Variants in ZNF347 observed in about 807,000 individuals in gnomAD.
The protein encoded by ZNF347 is CTD-2620I22.7.
In ZNF347, 19 loss-of-function variants were observed where a neutral mutation model predicts 12.9. The observed-to-expected ratio is 1.47, with a 90% CI of 1.03 to 2.16. The LOEUF (loss-of-function observed/expected upper bound fraction) is 2.16, where lower values mean the gene tolerates loss of function less well. ZNF347 is among the 30% of genes most tolerant of loss of function. The pLI, the probability that ZNF347 is intolerant of heterozygous loss-of-function variation, is 0.00. For synonymous variants in ZNF347, 328 were observed against 340.6 expected, an observed-to-expected ratio of 0.96 and a Z score of 0.41; for missense variants, 1,005 against 990.6, an observed-to-expected ratio of 1.01 and a Z score of -0.19.
rs914573208 is a variant in ZNF347 at position 53,140,768 on chromosome 19, C to A, written c.2060G>T (p.Gly687Val). Residue 687 changes from glycine (G) to valine (V), a missense_variant, in exon 5 of 5, where the codon GGC (glycine) becomes GTC (valine). Transcript: ENST00000334197. ...CTTTGATGTTTGACTAAAGGCTTTGCCACATTCATTACACTGGTAAGGTTT... is the reference window on the plus strand; with the variant it reads ...CTTTGATGTTTGACTAAAGGCTTTGACACATTCATTACACTGGTAAGGTTT... ...GGKPYQCNECGKAFSQTSKLA... is the reference protein window; with the variant it reads ...GGKPYQCNECVKAFSQTSKLA... 6.2e-7 allele frequency: 1 copy of A among 1,612,262 alleles called. No individual in the cohort carries two copies. Among genetic ancestry groups the A allele is most frequent in the Non-Finnish European group, 8.5e-7 (1 of 1,179,074 alleles).
Position 53,140,562 on chromosome 19 carries a change from G to A in ZNF347, c.2266C>T (p.Arg756Trp), listed in dbSNP as rs142427199. The A allele has an allele frequency of 3.4e-3, 5,461 of 1,613,892 alleles. 14 individuals carry two copies. The highest frequency in any genetic ancestry group is 4.2e-3 in the Non-Finnish European group (4,969 of 1,179,936). Residue 756 changes from arginine to tryptophan, a missense_variant, in exon 5 of 5, where the codon CGG (arginine) becomes TGG (tryptophan). Coordinates refer to ENST00000334197, the MANE Select transcript of ZNF347 (RefSeq NM_032584.3). Reference sequence around the variant, plus strand: ...GGTTTCTCTCCAGTATGAATTCCCCGATGTCTTGCAAGGTGTGAATTCTGA... The same window carrying A: ...GGTTTCTCTCCAGTATGAATTCCCCAATGTCTTGCAAGGTGTGAATTCTGA... ...FTQNSHLARH[R>W]GIHTGEKPYK...
In ZNF347 at chr19:53,141,565, T is replaced by C; in HGVS notation, c.1263A>G (p.Arg421=). ...TGTAAGGTTTCTCTCCAGTGTGAAT[T>C]CTCCAGTGATTTGTAAGGTGTGAAT... The part of the protein sequence containing the change: ...TQNSHLTNHW[R]IHTGEKPYKC... The change falls in exon 5 of 5, where the codon AGA becomes AGG. Residue 421 remains arginine (R), a synonymous_variant. Coordinates refer to ENST00000334197, the MANE Select transcript of ZNF347 (RefSeq NM_032584.3). 6.2e-7 allele frequency: 1 copy of C among 1,613,948 alleles called. No individual in the cohort carries two copies. The highest frequency in any genetic ancestry group is 8.5e-7 in the Non-Finnish European group (1 of 1,179,954).
At chr19:53,147,860 C>T (rs879924335) in intron 4 of ZNF347, among the ~76,000 whole-genome samples, 2 of 152,110 alleles carry the variant, frequency 1.3e-5, no homozygotes, top group Non-Finnish European at 2.9e-5. Context: ...TAGTTTAATA[C>T]ACACAAATCA....
chr19:53,135,941 G>A lies in ZNF347; in HGVS notation c.*4367C>T, dbSNP rs1046783415. ...ATTGCAAAAGTTGCACAAATATCATGTTTTGCTGTAAGATCCTCTGGCTCA... is the reference window on the plus strand; with the variant it reads ...ATTGCAAAAGTTGCACAAATATCATATTTTGCTGTAAGATCCTCTGGCTCA... On this transcript the variant is annotated 3_prime_UTR_variant, in exon 5 of 5. Transcript: ENST00000334197. 1.3e-5 allele frequency: 2 copies of A among 152,076 alleles called. No homozygotes were observed. Among genetic ancestry groups the A allele is most frequent in the Non-Finnish European group, 2.9e-5 (2 of 68,020 alleles). 9.4% of individuals were successfully genotyped at this position (152,076 alleles called of 1,614,324 possible).
intron 1 of ZNF347, among the ~76,000 whole-genome samples, chr19:53,155,954 C>A (rs901569376): frequency 6.9e-6 from 1 of 145,626 alleles, no homozygotes; most frequent in Non-Finnish European, 1.5e-5. Context: ...TCTGCTCTCA[C>A]ACTAAACACA....
chr19:53,152,957 G>C (rs985812839), intron 2 of ZNF347, among the ~76,000 whole-genome samples: 2 of 151,958 alleles, frequency 1.3e-5, no homozygotes, highest in East Asian at 3.9e-4. Context: ...AATAATAATT[G>C]GCAAAACAAG....
At position 53,141,709 on chromosome 19, in the gene ZNF347, G is replaced by T. The variant is rs766029192; in HGVS notation, c.1119C>A (p.Tyr373Ter). 6.2e-7 allele frequency: 1 copy of T among 1,613,644 alleles called. No homozygotes were observed. Among genetic ancestry groups the T allele is most frequent in the South Asian group, 1.1e-5 (1 of 91,052 alleles). Residue 373 changes from tyrosine (Y) to a stop codon, truncating the protein, a stop_gained, in exon 5 of 5, where the codon TAC (tyrosine) becomes TAA (stop). Coordinates refer to ENST00000334197, the MANE Select transcript of ZNF347 (RefSeq NM_032584.3). LOFTEE classifies it low-confidence loss of function (END_TRUNC). The stretch of plus-strand genomic sequence containing the variant: ...AGGCTTTCCCACACTCATTACACTT[G>T]TAAGGTTTCTCTCCAGTATGAATTC... ...HRGIHTGEKP[Y>*]KCNECGKAFR...
Position 53,141,698 on chromosome 19 carries a change from T to C in ZNF347, c.1130A>G (p.Glu377Gly). The change falls in exon 5 of 5, where the codon GAG becomes GGG. Residue 377 changes from glutamate to glycine, a missense_variant. Glu to Gly is a moderately conservative substitution (Grantham distance 98). Transcript: ENST00000334197. ...ACGAGCTCTAAAGGCTTTCCCACACTCATTACACTTGTAAGGTTTCTCTCC... is the reference window on the plus strand; with the variant it reads ...ACGAGCTCTAAAGGCTTTCCCACACCCATTACACTTGTAAGGTTTCTCTCC... ...HTGEKPYKCN[E>G]CGKAFRARSS... 6.2e-7 allele frequency: 1 copy of C among 1,614,120 alleles called. No individual in the cohort carries two copies. The highest frequency in any genetic ancestry group is 8.5e-7 in the Non-Finnish European group (1 of 1,179,988).
rs148937612 is a variant in ZNF347 at position 53,142,348 on chromosome 19, T to C, written c.480A>G (p.Glu160=). Residue 160 remains glutamate, a synonymous_variant, in exon 5 of 5, where the codon GAA becomes GAG. Coordinates refer to ENST00000334197, the MANE Select transcript of ZNF347 (RefSeq NM_032584.3). ...GNYKGVLLTQ[E]GNLTHGRDEH... The stretch of plus-strand genomic sequence containing the variant: ...CATCTCTTCCATGAGTGAGATTGCC[T>C]TCTTGGGTCAAAAGCACTCCTTTGT... 1.2e-4 allele frequency: 201 copies of C among 1,614,148 alleles called. 1 individual carries two copies. In the African/African-American group the frequency reaches 2.3e-3, roughly 19 times the overall value.
rs921791345 is a variant in ZNF347 at position 53,138,291 on chromosome 19, T to A, written c.*2017A>T. The A allele has an allele frequency of 1.1e-4, 16 of 151,674 alleles. No homozygotes were observed. Among genetic ancestry groups the A allele is most frequent in the Non-Finnish European group, 1.9e-4 (13 of 67,920 alleles). 9.4% of individuals were successfully genotyped at this position (151,674 alleles called of 1,614,324 possible). A position where few individuals can be genotyped will look rare whatever the true frequency, so the allele number is the denominator to read the frequency against. On this transcript the variant is annotated 3_prime_UTR_variant, in exon 5 of 5. Coordinates refer to ENST00000334197, the MANE Select transcript of ZNF347 (RefSeq NM_032584.3). ...CCACCCTGCCTGGGTAATATTTCTATTTTTTTTGTAGAGACAGGGTTTTGC... is the reference window on the plus strand; with the variant it reads ...CCACCCTGCCTGGGTAATATTTCTAATTTTTTTGTAGAGACAGGGTTTTGC...
At chr19:53,153,837 C>A in intron 1 of ZNF347, 44 bp from the exon 2 acceptor site, 1 of 1,458,424 alleles carries the variant, frequency 6.9e-7, no homozygotes. Context: ...TATTGAATAT[C>A]CAAAATGTGC....
Position 53,135,038 on chromosome 19 carries a change from A to G in ZNF347, c.*5270T>C, listed in dbSNP as rs1416371415. 1 of 152,158 alleles carries G rather than the reference A, an allele frequency of 6.6e-6. No homozygotes were observed. The highest frequency in any genetic ancestry group is 1.9e-4 in the East Asian group (1 of 5,194). 9.4% of individuals were successfully genotyped at this position (152,158 alleles called of 1,614,324 possible). A position where few individuals can be genotyped will look rare whatever the true frequency, so the allele number is the denominator to read the frequency against. ...CAAGAGATACTAACAAAATAGGTAT[A>G]GATGGTGAGTAAAGGACAAAAATAA... On this transcript the variant is annotated 3_prime_UTR_variant, in exon 5 of 5. Transcript: ENST00000334197.
intron 1 of ZNF347, among the ~76,000 whole-genome samples, chr19:53,158,250 G>T (rs1177054313): frequency 6.6e-6 from 1 of 152,166 alleles, no homozygotes; most frequent in African/African-American, 2.4e-5. Flanking sequence ...AGCAGGGCCC[G>T]GCACGAGGAG....
rs2090377439 is a variant in ZNF347, at chr19:53,135,052, G to C, written c.*5256C>G. On this transcript the variant is annotated 3_prime_UTR_variant, in exon 5 of 5. Transcript: ENST00000334197. ...AAAATAGGTATAGATGGTGAGTAAA[G>C]GACAAAAATAACTAGCATTGTTACT... 6.6e-6 allele frequency: 1 copy of C among 151,892 alleles called. No individual in the cohort carries two copies. Among genetic ancestry groups the C allele is most frequent in the African/African-American group, 2.4e-5 (1 of 41,334 alleles). The allele number at this position is 151,892 out of a possible 1,614,324, so 9.4% of individuals were successfully genotyped here. A position where few individuals can be genotyped will look rare whatever the true frequency, so the allele number is the denominator to read the frequency against.
In ZNF347 at chr19:53,153,727, C is replaced by A. The variant is rs2090513785; in HGVS notation, c.15+6G>T. 2 of 1,613,854 alleles carry A rather than the reference C, an allele frequency of 1.2e-6. No individual in the cohort carries two copies. The highest frequency in any genetic ancestry group is 1.1e-5 in the South Asian group (1 of 91,072). On this transcript the variant is annotated splice_donor_region_variant and intron_variant, in intron 2 of 4. Coordinates refer to ENST00000334197, the MANE Select transcript of ZNF347 (RefSeq NM_032584.3). The stretch of plus-strand genomic sequence containing the variant: ...ACAGAACAATCCACTGATAATATTA[C>A]CTTACCTGGGTGAGAGCCATGCCTG...
At chr19:53,156,810 G>A (rs1193680953) in intron 1 of ZNF347, among the ~76,000 whole-genome samples, 1 of 152,170 alleles carries the variant, frequency 6.6e-6, no homozygotes, top group Non-Finnish European at 1.5e-5. Flanking sequence ...GGGCAATTTC[G>A]TGGAACTGAG....
rs148488520 is a variant in ZNF347 at position 53,140,245 on chromosome 19, G to A, written c.*63C>T. The A allele has an allele frequency of 8.3e-4, 1,182 of 1,427,990 alleles. 8 individuals carry two copies. In the African/African-American group the frequency reaches 0.015, roughly 18 times the overall value. 88.5% of individuals were successfully genotyped at this position (1,427,990 alleles called of 1,614,324 possible). On this transcript the variant is annotated 3_prime_UTR_variant, in exon 5 of 5. Coordinates refer to ENST00000334197, the MANE Select transcript of ZNF347 (RefSeq NM_032584.3). ...ATCTCTCAGGCATAAATTCTCTGAC[G>A]TTGTCAAAGGAATGAATTCTAACTG...
At chr19:53,147,623 C>G (rs1165551042) in intron 4 of ZNF347, among the ~76,000 whole-genome samples, 2 of 151,738 alleles carry the variant, frequency 1.3e-5, no homozygotes, top group African/African-American at 4.8e-5. Context: ...TAATTCTACT[C>G]AAACCATTTC....
intron 1 of ZNF347, among the ~76,000 whole-genome samples, chr19:53,155,402 G>A (rs1420777033): frequency 1.3e-5 from 2 of 151,680 alleles, no homozygotes; most frequent in Admixed American, 6.6e-5. Flanking sequence ...GCATGAACAT[G>A]GCTTACTGCA....
Sources: gnomAD v4.1 joint callset for allele counts (sites outside exome capture counted in the v4.1 genomes callset) on GRCh38, gnomAD v4.1.1 for gene constraint, MANE v1.5 for transcripts, NCBI Gene and HGNC (gene_info 2026-07-23, HGNC 2026-07-21) for gene names.